The following FAM78A variants were observed in gnomAD, a reference collection of about 807,000 sequenced individuals.
FAM78A encodes protein FAM78A.
FAM78A carries 12 observed loss-of-function variants against 22.6 expected under a neutral mutation model. The ratio of observed to expected loss-of-function variants is 0.53; its 90% CI spans 0.34 to 0.86. The LOEUF (loss-of-function observed/expected upper bound fraction) is 0.86. FAM78A is among the 40% of genes least tolerant of loss of function. The pLI is 0.02. For synonymous variants in FAM78A, 151 were observed against 155.8 expected (o/e 0.97, Z 0.23); for missense variants, 322 against 396.1 (o/e 0.81, Z 1.59).
chr9:131,279,943 C>T (rs1835526037), upstream of FAM78A, among the ~76,000 whole-genome samples: 1 of 152,196 alleles, frequency 6.6e-6, no homozygotes, highest in Non-Finnish European at 1.5e-5. Flanking sequence ...CACTTGCTAG[C>T]CAGGGCCAGC....
chr9:131,273,873 A>G (rs1385565297), intron 1 of FAM78A, among the ~76,000 whole-genome samples: 2 of 152,228 alleles, frequency 1.3e-5, no homozygotes, highest in Non-Finnish European at 2.9e-5. Context: ...CAGTTTGCAG[A>G]TGTGTAAACT....
rs1835479702 is a variant in FAM78A at position 131,276,032 on chromosome 9, CG to C, written c.147del (p.Val50SerfsTer38). On this transcript the variant is annotated frameshift_variant, in exon 1 of 2. Transcript: ENST00000372271. LOFTEE classifies it high-confidence loss of function. This position sits in a 1 kb window ranked among gnomAD's most constrained non-coding sequence, Gnocchi z 4.3. ...TVIDVKASID[P>X]VPTSIDESSS... is the part of the protein sequence containing the mutation. ...GAGGACTCATCGATGCTAGTGGGGACGGGGTCGATGGAGGCTTTCACATCAA... is the reference window on the plus strand; with the variant it reads ...GAGGACTCATCGATGCTAGTGGGGACGGGTCGATGGAGGCTTTCACATCAA... 6.2e-7 allele frequency: 1 copy of C among 1,613,740 alleles called. No individual in the cohort carries two copies. Among genetic ancestry groups the C allele is most frequent in the East Asian group, 2.2e-5 (1 of 44,880 alleles).
At chr9:131,264,604 A>G in intron 1 of FAM78A, 1 of 717,382 alleles carries the variant, frequency 1.4e-6, no homozygotes. Flanking sequence ...AGCCAACAGC[A>G]GTCAGTGGAA....
chr9:131,269,600 C>T (rs1011239083), intron 1 of FAM78A, among the ~76,000 whole-genome samples: 1 of 152,030 alleles, frequency 6.6e-6, no homozygotes, highest in African/African-American at 2.4e-5. Flanking sequence ...CCTCAGCCTT[C>T]TGAGTAGCTG....
At chr9:131,269,353 G>C (rs148584389) in intron 1 of FAM78A, among the ~76,000 whole-genome samples, 2 of 152,226 alleles carry the variant, frequency 1.3e-5, no homozygotes, top group East Asian at 1.9e-4. Flanking sequence ...TGTCTTCATC[G>C]CCTATGGCCC....
At chr9:131,273,831 A>G (rs1835448009) in intron 1 of FAM78A, among the ~76,000 whole-genome samples, 1 of 152,236 alleles carries the variant, frequency 6.6e-6, no homozygotes, top group Non-Finnish European at 1.5e-5. Flanking sequence ...GATTCTCACA[A>G]TAAGCCATGG....
In FAM78A at chr9:131,274,100, T is replaced by C. The variant is rs1182989760; in HGVS notation, c.323+1757A>G. Among the ~76,000 whole-genome samples, 1 of 152,170 alleles carries C rather than the reference T, an allele frequency of 6.6e-6. No homozygotes were observed. The highest frequency in any genetic ancestry group is 1.5e-5 in the Non-Finnish European group (1 of 68,030). On this transcript the variant is annotated intron_variant, in intron 1 of 1. Coordinates refer to ENST00000372271, the MANE Select transcript of FAM78A (RefSeq NM_033387.4). This position sits in a 1 kb window ranked among gnomAD's most constrained non-coding sequence, Gnocchi z 4.2. Reference sequence around the variant, plus strand: ...TCAGGGTCACCAGATGGAGAACAAGTCTTAGACAAGACATCGGAAGCCCAT... The same window carrying C: ...TCAGGGTCACCAGATGGAGAACAAGCCTTAGACAAGACATCGGAAGCCCAT...
upstream of FAM78A, among the ~76,000 whole-genome samples, chr9:131,277,707 C>G (rs1385159511): frequency 6.6e-6 from 1 of 151,364 alleles, no homozygotes; most frequent in African/African-American, 2.4e-5. This position sits in a 1 kb window ranked among gnomAD's most constrained non-coding sequence, Gnocchi z 8.4. Flanking sequence ...GGCCCCCACC[C>G]TCCTCCCGGC....
Position 131,271,339 on chromosome 9 carries a change from C to T in FAM78A, c.323+4518G>A, listed in dbSNP as rs116087545. Among the ~76,000 whole-genome samples, 810 of 152,246 alleles carry T rather than the reference C, an allele frequency of 5.3e-3. 11 individuals carry two copies. Among genetic ancestry groups the T allele is most frequent in the African/African-American group, 0.019 (782 of 41,548 alleles). On this transcript the variant is annotated intron_variant, in intron 1 of 1. Coordinates refer to ENST00000372271, the MANE Select transcript of FAM78A (RefSeq NM_033387.4). ...GAGGCAGCCACCTTTCCGGTGACTC[C>T]GACAGGCATCGCATAATGCATAAGA...
chr9:131,275,933 T>C lies in FAM78A; in HGVS notation c.247A>G (p.Lys83Glu). 2 of 1,613,304 alleles carry C rather than the reference T, an allele frequency of 1.2e-6. No homozygotes were observed. Among genetic ancestry groups the C allele is most frequent in the Non-Finnish European group, 1.7e-6 (2 of 1,179,940 alleles). ...AQVVMPPIPK[K>E]ETWVVGWIQA... ...ATCCAGCCAACTACCCAAGTCTCCT[T>C]CTTGGGGATGGGCGGCATGACCACC... The change falls in exon 1 of 2, where the codon AAG becomes GAG. Residue 83 changes from lysine (K) to glutamate (E), a missense_variant. Lys to Glu is a moderately conservative substitution (Grantham distance 56). Transcript: ENST00000372271. The surrounding 1 kb of genome is among the most constrained non-coding windows in gnomAD (Gnocchi z 4.6).
Position 131,260,430 on chromosome 9 carries a change from G to A in FAM78A, c.*392C>T, listed in dbSNP as rs893684816. 2 of 168,450 alleles carry A rather than the reference G, an allele frequency of 1.2e-5. No homozygotes were observed. Among genetic ancestry groups the A allele is most frequent in the Non-Finnish European group, 1.3e-5 (1 of 79,278 alleles). 10.4% of individuals were successfully genotyped at this position (168,450 alleles called of 1,614,324 possible). A position where few individuals can be genotyped will look rare whatever the true frequency, so the allele number is the denominator to read the frequency against. The stretch of plus-strand genomic sequence containing the variant: ...GCAGTGTGGATCTGTCTCTTTGATC[G>A]GGGGCTGGAGCTTCCCTCCTAATCA... On this transcript the variant is annotated 3_prime_UTR_variant, in exon 2 of 2. Coordinates refer to ENST00000372271, the MANE Select transcript of FAM78A (RefSeq NM_033387.4). This position sits in a 1 kb window ranked among gnomAD's most constrained non-coding sequence, Gnocchi z 5.4.
upstream of FAM78A, among the ~76,000 whole-genome samples, chr9:131,278,556 G>A (rs1162146833): frequency 6.6e-6 from 1 of 152,182 alleles, no homozygotes; most frequent in East Asian, 1.9e-4. Flanking sequence ...AGCCACCATC[G>A]GCCTCCCTGT....
At chr9:131,276,873 C>T (rs1044303947), upstream of FAM78A, among the ~76,000 whole-genome samples, 1 of 149,130 alleles carries the variant, frequency 6.7e-6, no homozygotes, top group Non-Finnish European at 1.5e-5. This position sits in a 1 kb window ranked among gnomAD's most constrained non-coding sequence, Gnocchi z 4.3. Context: ...GCTGTCGCTG[C>T]CGGCCGCCGT....
In FAM78A at chr9:131,272,372, G is replaced by A. The variant is rs1205700565; in HGVS notation, c.323+3485C>T. 6.6e-6 allele frequency among the ~76,000 whole-genome samples: 1 copy of A among 152,224 alleles called. No homozygotes were observed. Among genetic ancestry groups the A allele is most frequent in the Non-Finnish European group, 1.5e-5 (1 of 68,030 alleles). On this transcript the variant is annotated intron_variant, in intron 1 of 1. Transcript: ENST00000372271. The surrounding 1 kb of genome is among the most constrained non-coding windows in gnomAD (Gnocchi z 4.1). ...TCAGGCCCTCCCTGGGGACATTATT[G>A]ACTGTCACAGCTTGCGGGGATGTGC...
chr9:131,276,848 C>CCGCG (rs1835493411), upstream of FAM78A, among the ~76,000 whole-genome samples: 1 of 149,288 alleles, frequency 6.7e-6, no homozygotes, highest in African/African-American at 2.4e-5. The surrounding 1 kb of genome is among the most constrained non-coding windows in gnomAD (Gnocchi z 4.3). Context: ...CGCAGGGGCG[C>CCGCG]CGCGTCCCTT....
chr9:131,279,912 G>C (rs1203108568), upstream of FAM78A, among the ~76,000 whole-genome samples: 1 of 152,210 alleles, frequency 6.6e-6, no homozygotes, highest in Non-Finnish European at 1.5e-5. Flanking sequence ...CCCACATTCA[G>C]CTTCTTCACC....
At chr9:131,266,799 A>G (rs1835352066) in intron 1 of FAM78A, among the ~76,000 whole-genome samples, 1 of 152,258 alleles carries the variant, frequency 6.6e-6, no homozygotes, top group East Asian at 1.9e-4. Flanking sequence ...GATGTATCAC[A>G]GCACCTGGCC....
Position 131,260,749 on chromosome 9 carries a change from G to A in FAM78A, c.*73C>T, listed in dbSNP as rs2131145290. 21 of 1,477,320 alleles carry A rather than the reference G, an allele frequency of 1.4e-5. No individual in the cohort carries two copies. Among genetic ancestry groups the A allele is most frequent in the Non-Finnish European group, 1.9e-5 (21 of 1,112,358 alleles). 91.5% of individuals were successfully genotyped at this position (1,477,320 alleles called of 1,614,324 possible). A position where few individuals can be genotyped will look rare whatever the true frequency, so the allele number is the denominator to read the frequency against. On this transcript the variant is annotated 3_prime_UTR_variant, in exon 2 of 2. Coordinates refer to ENST00000372271, the MANE Select transcript of FAM78A (RefSeq NM_033387.4). This position sits in a 1 kb window ranked among gnomAD's most constrained non-coding sequence, Gnocchi z 5.4. ...AATGGTTGTATCTTGCTGAATGACT[G>A]AAGAGTGAGTCTGAGTTTTGTTTTC...
chr9:131,268,118 G>T (rs1457137164), intron 1 of FAM78A, among the ~76,000 whole-genome samples: 2 of 150,896 alleles, frequency 1.3e-5, no homozygotes, highest in African/African-American at 4.9e-5. Context: ...ACAGTCTCCC[G>T]CTCAGTCCTG....
Sources: gnomAD v4.1 joint callset for allele counts (sites outside exome capture counted in the v4.1 genomes callset) on GRCh38, gnomAD v4.1.1 for gene constraint, Gnocchi (gnomAD v3.1) non-coding constraint, MANE v1.5 for transcripts, NCBI Gene and HGNC (gene_info 2026-07-23, HGNC 2026-07-21) for gene names.